The following RALYL variants were observed in gnomAD, a reference collection of about 807,000 sequenced individuals.
The protein encoded by RALYL is RNA-binding Raly-like protein.
In RALYL, 29 loss-of-function variants were observed where a neutral mutation model predicts 35.1. The ratio of observed to expected loss-of-function variants is 0.83; its 90% CI spans 0.61 to 1.13. The LOEUF (loss-of-function observed/expected upper bound fraction) is 1.13, where lower values mean the gene tolerates loss of function less well. Among genes scored for constraint, RALYL ranks in the 50% most tolerant of loss-of-function variants. The pLI, the probability that RALYL is intolerant of heterozygous loss-of-function variation, is 0.00. For synonymous variants in RALYL, 120 were observed against 127.6 expected, an observed-to-expected ratio of 0.94 and a Z score of 0.40; for missense variants, 359 against 360.4, an observed-to-expected ratio of 1.00 and a Z score of 0.03.
chr8:84,468,638 C>T (rs1332816424), intron 1 of RALYL, among the ~76,000 whole-genome samples: 376 of 147,802 alleles, frequency 2.5e-3, no homozygotes, highest in African/African-American at 7.4e-3. Flanking sequence ...TTGCTCTTCT[C>T]GAGGAGTATC....
intron 2 of RALYL, among the ~76,000 whole-genome samples, chr8:84,649,190 C>T (rs1308211797): frequency 6.6e-6 from 1 of 151,958 alleles, no homozygotes; most frequent in Non-Finnish European, 1.5e-5. Context: ...TAATCTTTAA[C>T]TTTCTAAAAT....
intron 8 of RALYL, among the ~76,000 whole-genome samples, chr8:84,893,067 G>C (rs1274012280): frequency 6.6e-6 from 1 of 152,124 alleles, no homozygotes; most frequent in Non-Finnish European, 1.5e-5. Flanking sequence ...AGCATGTCAT[G>C]GTAAGAACCA....
intron 2 of RALYL, among the ~76,000 whole-genome samples, chr8:84,758,586 G>A (rs1811973608): frequency 6.6e-6 from 1 of 152,150 alleles, no homozygotes; most frequent in Non-Finnish European, 1.5e-5. Context: ...GGTTGCTGGT[G>A]GGCCCTGGTT....
intron 2 of RALYL, among the ~76,000 whole-genome samples, chr8:84,555,033 C>T (rs2061002301): frequency 1.3e-5 from 2 of 152,170 alleles, no homozygotes; most frequent in Admixed American, 1.3e-4. Flanking sequence ...GTAATCCCAG[C>T]ACTTTGGGAG....
chr8:84,546,133 GAT>G (rs1031671755), intron 2 of RALYL, among the ~76,000 whole-genome samples: 48 of 151,888 alleles, frequency 3.2e-4, no homozygotes, highest in African/African-American at 1.2e-3. Flanking sequence ...AAGAGAAAAA[GAT>G]ATATATTTTT....
chr8:84,461,134 T>A (rs574604125), intron 1 of RALYL, among the ~76,000 whole-genome samples: 1 of 151,768 alleles, frequency 6.6e-6, no homozygotes, highest in Non-Finnish European at 1.5e-5. Flanking sequence ...GAAAAATTTC[T>A]AAAAGATTAC....
chr8:84,273,951 A>G (rs1834841868), intron 1 of RALYL, among the ~76,000 whole-genome samples: 1 of 152,152 alleles, frequency 6.6e-6, no homozygotes, highest in Non-Finnish European at 1.5e-5. Context: ...AACCATATAA[A>G]ACATGTATTT....
chr8:84,390,969 G>T (rs763047523), intron 1 of RALYL, among the ~76,000 whole-genome samples: 1 of 151,980 alleles, frequency 6.6e-6, no homozygotes, highest in Non-Finnish European at 1.5e-5. Flanking sequence ...CCACATGTCA[G>T]TTTGTTTCAG....
At position 84,285,814 on chromosome 8, in the gene RALYL, A is replaced by G. The variant is rs528679533; in HGVS notation, c.-24+101390A>G. ...TGAGGTCAGACTGAACAATACAGAA[A>G]ATTGTAGTCAGTAGTGAGGACTTTG... On this transcript the variant is annotated intron_variant, in intron 1 of 8. Transcript: ENST00000521268. Among the ~76,000 whole-genome samples the G allele has an allele frequency of 1.4e-4, 22 of 152,254 alleles. No individual in the cohort carries two copies. The Middle Eastern group carries it at 0.01, about 71-fold the overall frequency.
At chr8:84,809,325 A>G (rs770017696) in intron 4 of RALYL, among the ~76,000 whole-genome samples, 2 of 152,186 alleles carry the variant, frequency 1.3e-5, no homozygotes, top group African/African-American at 4.8e-5. Context: ...CATCCCTGGT[A>G]TGAAACTTAC....
intron 4 of RALYL, among the ~76,000 whole-genome samples, chr8:84,827,200 G>A (rs1018800721): frequency 7.9e-5 from 12 of 152,064 alleles, no homozygotes; most frequent in African/African-American, 2.9e-4. Context: ...TGCTCCAGGG[G>A]TTCAATATCA....
At chr8:84,733,584 A>G (rs1846649712) in intron 2 of RALYL, among the ~76,000 whole-genome samples, 1 of 152,198 alleles carries the variant, frequency 6.6e-6, no homozygotes, top group Non-Finnish European at 1.5e-5. Flanking sequence ...CATTTATAAG[A>G]AAAGAGTTAA....
intron 2 of RALYL, among the ~76,000 whole-genome samples, chr8:84,564,027 T>C (rs2061623298): frequency 6.6e-6 from 1 of 151,614 alleles, no homozygotes; most frequent in Non-Finnish European, 1.5e-5. Context: ...AAAGAAACAA[T>C]TTCTTCATAT....
At chr8:84,423,896 G>C (rs2132476677) in intron 1 of RALYL, among the ~76,000 whole-genome samples, 2 of 151,854 alleles carry the variant, frequency 1.3e-5, no homozygotes, top group South Asian at 4.2e-4. Flanking sequence ...CTTCTGGCTT[G>C]TAGGGTTTCT....
At position 84,712,036 on chromosome 8, in the gene RALYL, G is replaced by T. The variant is rs1261736406; in HGVS notation, c.257-62543G>T. Among the ~76,000 whole-genome samples, 3 of 152,082 alleles carry T rather than the reference G, an allele frequency of 2.0e-5. No homozygotes were observed. In the East Asian group the frequency reaches 5.8e-4, roughly 29 times the overall value. On this transcript the variant is annotated intron_variant, in intron 2 of 8. Coordinates refer to ENST00000521268, the MANE Select transcript of RALYL (RefSeq NM_173848.7). ...ACCAGAAAAAACAAACTATTTTTAG[G>T]CTTGATTGGTAAAGGCTCTCTAGAG...
chr8:84,707,272 T>G (rs1003342665), intron 2 of RALYL, among the ~76,000 whole-genome samples: 3 of 152,194 alleles, frequency 2.0e-5, no homozygotes, highest in African/African-American at 4.8e-5. Context: ...TGATAACTGC[T>G]ACTTTTTTCA....
chr8:84,393,184 C>T, intron 1 of RALYL, among the ~76,000 whole-genome samples: 1 of 152,070 alleles, frequency 6.6e-6, no homozygotes, highest in East Asian at 1.9e-4. Context: ...TCTCACAAGA[C>T]TGCAATCAAG....
intron 3 of RALYL, among the ~76,000 whole-genome samples, chr8:84,779,151 T>C (rs1817528072): frequency 6.6e-6 from 1 of 152,212 alleles, no homozygotes; most frequent in Non-Finnish European, 1.5e-5. Context: ...AAATTGCTGC[T>C]TCAAATACGT....
At chr8:84,281,066 CT>C (rs1199990233) in intron 1 of RALYL, among the ~76,000 whole-genome samples, 1 of 152,130 alleles carries the variant, frequency 6.6e-6, no homozygotes, top group East Asian at 1.9e-4. Flanking sequence ...CTATGCAGCA[CT>C]TTCATTAGCA....
Sources: allele counts gnomAD v4.1 joint callset (sites outside exome capture counted in the v4.1 genomes callset), GRCh38; gene constraint gnomAD v4.1.1; transcripts MANE v1.5; gene names NCBI Gene and HGNC (gene_info 2026-07-23, HGNC 2026-07-21).